SH3BGRL2: variants seen among roughly 807,000 people sequenced by gnomAD.
SH3BGRL2 encodes SH3 domain binding glutamate rich protein like 2.
A neutral mutation model predicts 14.8 loss-of-function variants in SH3BGRL2; 21 were observed. The observed-to-expected ratio is 1.42, with a 90% confidence interval of 1.01 to 2.05. The LOEUF is 2.05. Among genes scored for constraint, SH3BGRL2 ranks in the 30% most tolerant of loss-of-function variants. The pLI is 0.00. For synonymous variants in SH3BGRL2, 50 were observed against 47.8 expected, an observed-to-expected ratio of 1.05 and a Z score of -0.19; for missense variants, 147 against 130.8, an observed-to-expected ratio of 1.12 and a Z score of -0.61.
chr6:79,573,984 C>T, the SH3BGRL2 span: 3 of 152,070 alleles, frequency 2.0e-5, no homozygotes, highest in African/African-American at 7.2e-5. Context: ...CTATGTGTGT[C>T]TGTTTGGGTC....
the SH3BGRL2 span, among the ~76,000 whole-genome samples, chr6:79,596,159 G>T: frequency 6.6e-6 from 1 of 152,086 alleles, no homozygotes; most frequent in Non-Finnish European, 1.5e-5. Context: ...AAACCTTCTG[G>T]GTTTTTTGGT....
At chr6:79,675,793 A>T (rs535802074) in intron 2 of SH3BGRL2, among the ~76,000 whole-genome samples, 3 of 151,654 alleles carry the variant, frequency 2.0e-5, no homozygotes, top group Non-Finnish European at 4.4e-5. Flanking sequence ...TAAAGATATT[A>T]AATATGATTT....
the SH3BGRL2 span, among the ~76,000 whole-genome samples, chr6:79,624,707 C>T: frequency 2.6e-5 from 4 of 152,170 alleles, no homozygotes; most frequent in African/African-American, 9.6e-5. Context: ...TGCAGGATGG[C>T]AGCTGTGCCA....
At chr6:79,641,448 C>G (rs1050015597) in intron 1 of SH3BGRL2, among the ~76,000 whole-genome samples, 1 of 152,164 alleles carries the variant, frequency 6.6e-6, no homozygotes, top group African/African-American at 2.4e-5. Context: ...GCACCTACCT[C>G]TCTGTCCTGG....
the SH3BGRL2 span, among the ~76,000 whole-genome samples, chr6:79,601,247 G>A: frequency 6.6e-6 from 1 of 152,318 alleles, no homozygotes; most frequent in South Asian, 2.1e-4. Context: ...GAGTGCAGTG[G>A]CACAATCATG....
the SH3BGRL2 span, among the ~76,000 whole-genome samples, chr6:79,579,027 C>T: frequency 7.9e-5 from 12 of 152,010 alleles, no homozygotes; most frequent in South Asian, 1.7e-3. Context: ...ATAGCTGATT[C>T]GATCAAGTGG....
At chr6:79,576,997 A>C in the SH3BGRL2 span, among the ~76,000 whole-genome samples, 1 of 152,168 alleles carries the variant, frequency 6.6e-6, no homozygotes, top group African/African-American at 2.4e-5. Context: ...TACATTTATA[A>C]ATTTAGTATC....
At chr6:79,659,212 C>A (rs1769488655) in intron 1 of SH3BGRL2, among the ~76,000 whole-genome samples, 1 of 152,060 alleles carries the variant, frequency 6.6e-6, no homozygotes, top group Non-Finnish European at 1.5e-5. Context: ...AAGTCCTTGC[C>A]CATACCTATG....
the SH3BGRL2 span, among the ~76,000 whole-genome samples, chr6:79,604,597 G>T: frequency 6.6e-6 from 1 of 151,994 alleles, no homozygotes; most frequent in Admixed American, 6.6e-5. Flanking sequence ...TTTCCCCTTG[G>T]TTATTCTCTT....
the SH3BGRL2 span, among the ~76,000 whole-genome samples, chr6:79,570,140 A>G: frequency 6.6e-6 from 1 of 152,208 alleles, no homozygotes; most frequent in East Asian, 1.9e-4. Flanking sequence ...ATCTTTAAGA[A>G]CATATGGTAG....
chr6:79,591,518 C>G, the SH3BGRL2 span, among the ~76,000 whole-genome samples: 4 of 152,188 alleles, frequency 2.6e-5, no homozygotes, highest in Non-Finnish European at 5.9e-5. Context: ...AGCGATTCCC[C>G]TACCTCAGCC....
chr6:79,610,478 T>C, the SH3BGRL2 span, among the ~76,000 whole-genome samples: 59 of 152,314 alleles, frequency 3.9e-4, no homozygotes, highest in South Asian at 0.012. Flanking sequence ...GCTCTTATCT[T>C]CATAAATGCT....
chr6:79,612,022 A>G, the SH3BGRL2 span, among the ~76,000 whole-genome samples: 3 of 152,186 alleles, frequency 2.0e-5, no homozygotes, highest in Non-Finnish European at 4.4e-5. Context: ...CTTCACTGCC[A>G]GGCGCTGGCT....
chr6:79,606,524 G>A, the SH3BGRL2 span, among the ~76,000 whole-genome samples: 1 of 152,250 alleles, frequency 6.6e-6, no homozygotes, highest in Non-Finnish European at 1.5e-5. Flanking sequence ...TTGGGCCCTT[G>A]GTGCCTGGCT....
At chr6:79,538,084 A>G in the SH3BGRL2 span, among the ~76,000 whole-genome samples, 7 of 111,276 alleles carry the variant, frequency 6.3e-5, no homozygotes, top group Non-Finnish European at 1.2e-4. Flanking sequence ...ATGTCAGCCT[A>G]TTGAGCGCTG....
chr6:79,681,692 A>C (rs1769990804), intron 2 of SH3BGRL2, among the ~76,000 whole-genome samples: 1 of 152,218 alleles, frequency 6.6e-6, no homozygotes, highest in Admixed American at 6.5e-5. Context: ...TCTCAAGTGC[A>C]GTGTTTATGT....
intron 1 of SH3BGRL2, among the ~76,000 whole-genome samples, chr6:79,645,253 A>C (rs1769117954): frequency 6.6e-6 from 1 of 151,958 alleles, no homozygotes; most frequent in Non-Finnish European, 1.5e-5. Flanking sequence ...GCTGGAAGTC[A>C]CAATCTGGTT....
chr6:79,581,638 C>T, the SH3BGRL2 span, among the ~76,000 whole-genome samples: 2 of 152,114 alleles, frequency 1.3e-5, no homozygotes, highest in African/African-American at 4.8e-5. Flanking sequence ...TGGAACATAT[C>T]TCAAAATAAT....
At chr6:79,647,457 C>T (rs769095111) in intron 1 of SH3BGRL2, among the ~76,000 whole-genome samples, 2 of 151,946 alleles carry the variant, frequency 1.3e-5, no homozygotes, top group Non-Finnish European at 2.9e-5. Context: ...TAATCAACTC[C>T]TATGTATTTA....
Sources: allele counts gnomAD v4.1 joint callset (sites outside exome capture counted in the v4.1 genomes callset), GRCh38; gene constraint gnomAD v4.1.1; transcripts MANE v1.5; gene names NCBI Gene and HGNC (gene_info 2026-07-23, HGNC 2026-07-21).